The following KIF1A variants were observed in gnomAD, a reference collection of about 807,000 sequenced individuals.
The protein encoded by KIF1A is kinesin family member 1A.
Under a neutral mutation model 227.3 loss-of-function variants are expected in KIF1A, and 46 were observed. The ratio of observed to expected loss-of-function variants is 0.20; its 90% confidence interval spans 0.16 to 0.26. The LOEUF is 0.26. Ranked by LOEUF, KIF1A falls within the 10% of genes least tolerant of loss-of-function variation. The probability of loss-of-function intolerance (pLI) is 1.00; values close to 1 mark genes in which losing one functional copy is unlikely to be tolerated. For synonymous variants in KIF1A, 1,022 were observed against 1,012.8 expected (o/e 1.01, Z -0.17); for missense variants, 1,683 against 2,485.9 (o/e 0.68, Z 6.87).
chr2:240,798,689 A>G (rs1201627197), intron 1 of KIF1A, among the ~76,000 whole-genome samples: 1 of 152,170 alleles, frequency 6.6e-6, no homozygotes, highest in Non-Finnish European at 1.5e-5. Context: ...CCACTGTGAA[A>G]GGTCTTTCCG....
chr2:240,763,438 G>C (rs959640582), intron 20 of KIF1A, 92 bp from the exon 21 acceptor site: 1 of 1,240,398 alleles, frequency 8.1e-7, no homozygotes, highest in East Asian at 2.7e-5. Context: ...AAAGGGGAAC[G>C]GGTGCAGGCA....
At chr2:240,734,699 C>G (rs932677782) in intron 38 of KIF1A, 4 of 1,304,058 alleles carry the variant, frequency 3.1e-6, no homozygotes. Flanking sequence ...CAAGGGTAAA[C>G]CAAGGGTCAC....
intron 4 of KIF1A, 96 bp downstream of exon 4, chr2:240,787,955 G>A (rs1167314316): frequency 1.7e-6 from 2 of 1,204,622 alleles, no homozygotes; most frequent in Non-Finnish European, 2.3e-6. Context: ...CTGCTCTCTG[G>A]GGGCTGCTCT....
intron 38 of KIF1A, among the ~76,000 whole-genome samples, chr2:240,728,112 C>T (rs1035237172): frequency 4.6e-5 from 7 of 152,198 alleles, no homozygotes; most frequent in African/African-American, 2.4e-5. Context: ...CTCCCGAGAC[C>T]GCGGTGGAGC....
chr2:240,794,540 C>A (rs1390006771), intron 2 of KIF1A, among the ~76,000 whole-genome samples: 1 of 152,248 alleles, frequency 6.6e-6, no homozygotes, highest in Non-Finnish European at 1.5e-5. Flanking sequence ...TTCAGGAGCA[C>A]TCAGGTCCGC....
At chr2:240,786,279 C>T (rs543061859) in intron 6 of KIF1A, 56 bp downstream of exon 6, 26 of 1,551,396 alleles carry the variant, frequency 1.7e-5, no homozygotes, top group African/African-American at 6.8e-5. Flanking sequence ...GGGCTTCCTC[C>T]GGGGAGAGGC....
intron 20 of KIF1A, among the ~76,000 whole-genome samples, chr2:240,764,347 A>G (rs953849060): frequency 6.6e-6 from 1 of 152,054 alleles, no homozygotes; most frequent in Non-Finnish European, 1.5e-5. Context: ...GGCCAACCCC[A>G]AAACAAGCAG....
chr2:240,787,229 A>G lies in KIF1A; in HGVS notation c.429+22T>C, dbSNP rs2288746. 676,593 of 1,601,840 alleles carry G rather than the reference A, an allele frequency of 0.42. 147,635 individuals carry two copies. The highest frequency in any genetic ancestry group is 0.71 in the African/African-American group (52,794 of 74,712). ...GATTCCCAGCCCTGCCCCAGCGGCC[A>G]ACGGCAGGCGGGGAGCCCTACCTCC... On this transcript the variant is annotated intron_variant, in intron 5 of 48. Coordinates refer to ENST00000498729, the MANE Select transcript of KIF1A (RefSeq NM_001244008.2).
At chr2:240,769,807 G>A (rs749858289) in intron 15 of KIF1A, 101 bp from the exon 16 acceptor site, 45 of 925,764 alleles carry the variant, frequency 4.9e-5, no homozygotes, top group South Asian at 1.2e-4. Context: ...AAGCACAAGC[G>A]CCATATTCCT....
At position 240,723,552 on chromosome 2, in the gene KIF1A, T is replaced by C. The variant is rs1223443941; in HGVS notation, c.4325A>G (p.Gln1442Arg). The C allele has an allele frequency of 1.3e-6, 2 of 1,534,488 alleles. No individual in the cohort carries two copies. Among genetic ancestry groups the C allele is most frequent in the South Asian group, 1.2e-5 (1 of 83,384 alleles). The part of the protein sequence containing the change: ...HVADAGSPGM[Q>R]RRRRRVLDTS... ...GTCCAGGACTCGTCGGCGCCGGCGC[T>C]GCATCCCTGCATGGGGCACGTGGAC... The change falls in exon 42 of 49, where the codon CAG (glutamine) becomes CGG (arginine). Residue 1442 changes from glutamine (Q) to arginine (R), a missense_variant. By Grantham distance (43) the Gln-to-Arg change is conservative (BLOSUM62 1). Transcript: ENST00000498729.
intron 46 of KIF1A, 73 bp from the exon 47 acceptor site, chr2:240,719,271 C>A: frequency 1.3e-6 from 2 of 1,503,426 alleles, no homozygotes; most frequent in South Asian, 2.5e-5. Context: ...CACCATCTAC[C>A]ACCCAGAGCT....
intron 28 of KIF1A, among the ~76,000 whole-genome samples, chr2:240,747,527 C>A (rs1443094027): frequency 6.6e-6 from 1 of 152,198 alleles, no homozygotes; most frequent in Non-Finnish European, 1.5e-5. Context: ...CCAGGGGCCC[C>A]AAAGCAGCCA....
At chr2:240,762,366 A>C (rs1238919917) in intron 23 of KIF1A, among the ~76,000 whole-genome samples, 1 of 152,210 alleles carries the variant, frequency 6.6e-6, no homozygotes, top group Non-Finnish European at 1.5e-5. Context: ...GAGTGGACGC[A>C]TGAGCATGGT....
intron 15 of KIF1A, 142 bp downstream of exon 15, chr2:240,770,829 C>T (rs1223348585): frequency 2.8e-6 from 3 of 1,055,114 alleles, no homozygotes; most frequent in Non-Finnish European, 2.7e-6. Flanking sequence ...CCTGGGTGGC[C>T]ACACGCCAGA....
At chr2:240,727,979 C>T (rs748684813) in intron 38 of KIF1A, among the ~76,000 whole-genome samples, 3 of 152,164 alleles carry the variant, frequency 2.0e-5, no homozygotes, top group Admixed American at 6.5e-5. Flanking sequence ...ACGTTCAGCT[C>T]GCCCACCCCA....
chr2:240,775,945 C>G lies in KIF1A; in HGVS notation c.883-19G>C, dbSNP rs1184287092. 6.4e-7 allele frequency: 1 copy of G among 1,560,032 alleles called. No homozygotes were observed. The highest frequency in any genetic ancestry group is 8.8e-7 in the Non-Finnish European group (1 of 1,130,960). On this transcript the variant is annotated intron_variant, in intron 10 of 48. Transcript: ENST00000498729. The surrounding 1 kb of genome is among the most constrained non-coding windows in gnomAD (Gnocchi z 5.5). ...TCTTGTTCTGTGGGGGAGGAACATT[C>G]AAGGTCAAGCCCGAGCCCACTGCAG...
chr2:240,737,444 G>A (rs2047472049), intron 37 of KIF1A: 1 of 246,424 alleles, frequency 4.1e-6, no homozygotes, highest in South Asian at 9.5e-5. Context: ...TGCTTAGCCT[G>A]GAAACCACCG....
intron 8 of KIF1A, 27 bp downstream of exon 8, chr2:240,783,712 G>C: frequency 6.5e-7 from 1 of 1,540,606 alleles, no homozygotes. Flanking sequence ...GTGGACACGG[G>C]TCCCCGCATG....
rs558299211 is a variant in KIF1A, at chr2:240,793,546, A to G, written c.106+4101T>C. Among the ~76,000 whole-genome samples, 1 of 152,214 alleles carries G rather than the reference A, an allele frequency of 6.6e-6. No individual in the cohort carries two copies. The highest frequency in any genetic ancestry group is 2.4e-5 in the African/African-American group (1 of 41,546). The stretch of plus-strand genomic sequence containing the variant: ...CGTCCTCCGGTCCTCAGGGCAGAGA[A>G]TGTGAGGAGAGAGGAGGAGGACGGA... On this transcript the variant is annotated intron_variant, in intron 2 of 48. Transcript: ENST00000498729. The surrounding 1 kb of genome is among the most constrained non-coding windows in gnomAD (Gnocchi z 4.8).
Sources: gnomAD v4.1 joint callset for allele counts (sites outside exome capture counted in the v4.1 genomes callset) on GRCh38, gnomAD v4.1.1 for gene constraint, Gnocchi (gnomAD v3.1) non-coding constraint, MANE v1.5 for transcripts, NCBI Gene and HGNC (gene_info 2026-07-23, HGNC 2026-07-21) for gene names.